Variants in ALDH1L2 observed in about 807,000 individuals in gnomAD.
ALDH1L2 encodes aldehyde dehydrogenase 1 family member L2.
A neutral mutation model predicts 111.0 loss-of-function variants in ALDH1L2; 91 were observed. The observed-to-expected ratio is 0.82, with a 90% CI of 0.69 to 0.98. The LOEUF (loss-of-function observed/expected upper bound fraction) is 0.98, where lower values mean the gene tolerates loss of function less well. ALDH1L2 is among the 50% of genes least tolerant of loss of function. The pLI is 0.00. For missense variants in ALDH1L2, 995 were observed against 1,126.8 expected (o/e 0.88, Z 1.67); for synonymous variants, 374 against 392.6 (o/e 0.95, Z 0.56).
At chr12:105,032,184 T>C (rs1487670000) in intron 19 of ALDH1L2, among the ~76,000 whole-genome samples, 3 of 141,762 alleles carry the variant, frequency 2.1e-5, no homozygotes, top group African/African-American at 9.0e-5. Context: ...CTTTTTTTTT[T>C]TTTTTTTTTT....
intron 16 of ALDH1L2, 53 bp from the exon 17 acceptor site, chr12:105,039,859 G>T: frequency 6.5e-7 from 1 of 1,533,890 alleles, no homozygotes; most frequent in Non-Finnish European, 9.0e-7. Flanking sequence ...GGCCGGGCGC[G>T]GTGGCTTACG....
rs565395320 is a variant in ALDH1L2, at chr12:105,032,059, G to A, written c.2245-125C>T. On this transcript the variant is annotated intron_variant, in intron 19 of 22. Transcript: ENST00000258494. ...GTCATTTAGTCTTTACAATAGCACC[G>A]GAGGTAGGTGGTTGGTTTTTTTTTT... 255 of 979,912 alleles carry A rather than the reference G, an allele frequency of 2.6e-4. 1 individual carries two copies. The highest frequency in any genetic ancestry group is 2.3e-4 in the Non-Finnish European group (161 of 704,450). The allele number at this position is 979,912 out of a possible 1,614,324, so 60.7% of individuals were successfully genotyped here. A position where few individuals can be genotyped will look rare whatever the true frequency, so the allele number is the denominator to read the frequency against.
In ALDH1L2 at chr12:105,061,687, C is replaced by G; in HGVS notation, c.987G>C (p.Thr329=). 1 of 1,614,090 alleles carries G rather than the reference C, an allele frequency of 6.2e-7. No homozygotes were observed. The highest frequency in any genetic ancestry group is 8.5e-7 in the Non-Finnish European group (1 of 1,180,030). The change falls in exon 8 of 23, where the codon ACG becomes ACC. Residue 329 remains threonine (T), a synonymous_variant. Transcript: ENST00000258494. The part of the protein sequence containing the change: ...KMIPASQYFS[T]GETSVVELTA... ...TCAGTTCTACCACTGACGTCTCACC[C>G]GTTGAAAAGTACTGAGAGGCAGGGA...
Position 105,080,478 on chromosome 12 carries a change from GA to G in ALDH1L2, c.48+3910del, listed in dbSNP as rs1405714164. On this transcript the variant is annotated intron_variant, in intron 1 of 22. Transcript: ENST00000258494. Reference sequence around the variant, plus strand: ...TTAATAGTCTGTCCCACTAATCTATGAACTCCTTGAAAATGGGACTATTTCT... The same window carrying G: ...TTAATAGTCTGTCCCACTAATCTATGACTCCTTGAAAATGGGACTATTTCT... Among the ~76,000 whole-genome samples the G allele has an allele frequency of 1.4e-4, 22 of 152,228 alleles. No homozygotes were observed. In the South Asian group the frequency reaches 3.7e-3, roughly 26 times the overall value.
In ALDH1L2 at chr12:105,022,419, T is replaced by C. The variant is rs1464959239; in HGVS notation, c.*2005A>G. The C allele has an allele frequency of 6.6e-6, 1 of 152,190 alleles. No individual in the cohort carries two copies. Among genetic ancestry groups the C allele is most frequent in the Non-Finnish European group, 1.5e-5 (1 of 68,028 alleles). The allele number at this position is 152,190 out of a possible 1,614,324, so 9.4% of individuals were successfully genotyped here. A position where few individuals can be genotyped will look rare whatever the true frequency, so the allele number is the denominator to read the frequency against. On this transcript the variant is annotated 3_prime_UTR_variant, in exon 23 of 23. Coordinates refer to ENST00000258494, the MANE Select transcript of ALDH1L2 (RefSeq NM_001034173.4). ...AGAGTTTTGCAGCCCAGAGAATATT[T>C]AAAACACTGCTACTGAGATGAATAT... is the stretch of plus-strand genomic sequence containing the variant.
rs779371116 is a variant in ALDH1L2, at chr12:105,039,804, C to A, written c.1954G>T (p.Gly652Cys). The A allele has an allele frequency of 6.2e-7, 1 of 1,613,816 alleles. No individual in the cohort carries two copies. Among genetic ancestry groups the A allele is most frequent in the Non-Finnish European group, 8.5e-7 (1 of 1,179,826 alleles). ...TCAGACAGACGTTGTCCTGCTATGC[C>A]ACCTGTAGAATTAGGGAATAAAACG... ...GVINIIPGSG[G>C]IAGQRLSEHP... Residue 652 changes from glycine (G) to cysteine (C), a missense_variant and splice_region_variant, in exon 17 of 23, where the codon GGC becomes TGC. Gly to Cys is a radical substitution (Grantham distance 159). Transcript: ENST00000258494.
intron 1 of ALDH1L2, among the ~76,000 whole-genome samples, chr12:105,077,198 G>A (rs1419879953): frequency 1.3e-5 from 2 of 152,160 alleles, no homozygotes; most frequent in Non-Finnish European, 1.5e-5. Context: ...GCATTAGTGA[G>A]AAAGGGCATA....
At chr12:105,032,037 AT>A in intron 19 of ALDH1L2, 103 bp from the exon 20 acceptor site, 1 of 1,256,752 alleles carries the variant, frequency 8.0e-7, no homozygotes, top group Non-Finnish European at 1.1e-6. Flanking sequence ...ATGTATTGTC[AT>A]TTAGTCTTTA....
intron 3 of ALDH1L2, 147 bp from the exon 4 acceptor site, chr12:105,069,031 C>A: frequency 1.4e-6 from 1 of 709,914 alleles, no homozygotes. Context: ...AACTGGGAGA[C>A]GTCAGGGCTC....
intron 10 of ALDH1L2, among the ~76,000 whole-genome samples, chr12:105,057,865 T>A (rs1766430810): frequency 1.3e-5 from 2 of 152,192 alleles, no homozygotes; most frequent in African/African-American, 4.8e-5. Context: ...TTGGATGGCA[T>A]AATAATTGCA....
intron 18 of ALDH1L2, among the ~76,000 whole-genome samples, chr12:105,036,967 TC>T (rs1029817130): frequency 6.6e-6 from 1 of 152,084 alleles, no homozygotes; most frequent in African/African-American, 2.4e-5. Context: ...TCTTCTTCAC[TC>T]CCAGACCACT....
chr12:105,042,968 A>G (rs2136064291), intron 15 of ALDH1L2, among the ~76,000 whole-genome samples: 1 of 152,326 alleles, frequency 6.6e-6, no homozygotes, highest in Non-Finnish European at 1.5e-5. Context: ...GGGGTGTGCA[A>G]GAGGATCCAT....
At chr12:105,059,841 T>C (rs1464843279) in intron 9 of ALDH1L2, among the ~76,000 whole-genome samples, 2 of 152,352 alleles carry the variant, frequency 1.3e-5, no homozygotes, top group African/African-American at 2.4e-5. Flanking sequence ...CATTTTTGCC[T>C]TGTTTAATTA....
intron 1 of ALDH1L2, among the ~76,000 whole-genome samples, chr12:105,077,279 T>C (rs913065030): frequency 4.6e-5 from 7 of 151,768 alleles, no homozygotes; most frequent in Non-Finnish European, 7.4e-5. Context: ...TTTTTCTTTT[T>C]TTTTTTTTTG....
intron 20 of ALDH1L2, among the ~76,000 whole-genome samples, chr12:105,030,841 ATT>A (rs1423032443): frequency 6.6e-6 from 1 of 152,210 alleles, no homozygotes; most frequent in East Asian, 1.9e-4. Context: ...AGTATTCTTT[ATT>A]CAGAGTTTAT....
intron 12 of ALDH1L2, among the ~76,000 whole-genome samples, chr12:105,051,040 C>T (rs762958235): frequency 2.6e-4 from 39 of 152,194 alleles, no homozygotes; most frequent in Non-Finnish European, 3.7e-4. Flanking sequence ...TCTAATCACT[C>T]CTGGCATCCT....
At chr12:105,034,421 A>G in intron 18 of ALDH1L2, 23 bp from the exon 19 acceptor site, 2 of 1,591,670 alleles carry the variant, frequency 1.3e-6, no homozygotes, top group Non-Finnish European at 1.7e-6. Flanking sequence ...AAGAGAAAAT[A>G]TTGCTAACAT....
chr12:105,073,127 A>G (rs1877835206), intron 2 of ALDH1L2, among the ~76,000 whole-genome samples: 1 of 152,172 alleles, frequency 6.6e-6, no homozygotes, highest in African/African-American at 2.4e-5. Flanking sequence ...CTTATTATGA[A>G]CCAGGCATAG....
intron 1 of ALDH1L2, among the ~76,000 whole-genome samples, chr12:105,076,438 C>G (rs1252792125): frequency 6.6e-6 from 1 of 152,106 alleles, no homozygotes; most frequent in Non-Finnish European, 1.5e-5. Context: ...CATTATTAAC[C>G]CACTTTAGGG....
Sources: allele counts gnomAD v4.1 joint callset (sites outside exome capture counted in the v4.1 genomes callset), GRCh38; gene constraint gnomAD v4.1.1; transcripts MANE v1.5; gene names NCBI Gene and HGNC (gene_info 2026-07-23, HGNC 2026-07-21).